Variants in SIRT4 observed in about 807,000 individuals in gnomAD.
The protein encoded by SIRT4 is sirtuin 4, also known as NAD-dependent protein lipoamidase sirtuin-4, mitochondrial.
In SIRT4, 23 loss-of-function variants were observed where a neutral mutation model predicts 26.1. That is an observed-to-expected ratio of 0.88 (90% CI 0.63 to 1.25). The LOEUF is 1.25. SIRT4 is among the 50% of genes most tolerant of loss of function. SIRT4 has a pLI of 0.00. For missense variants in SIRT4, 361 were observed against 405.4 expected (o/e 0.89, Z 0.94); for synonymous variants, 155 against 158.4 (o/e 0.98, Z 0.16).
rs1872632610 is a variant in SIRT4, at chr12:120,303,771, G to A, written c.210G>A (p.Gly70=). ...MTGAGISTES[G]IPDYRSEKVG... The stretch of plus-strand genomic sequence containing the variant: ...GGGCAGGAATCTCCACCGAATCGGG[G>A]ATACCAGACTACAGGTCAGAAAAAG... Residue 70 remains glycine, a synonymous_variant, in exon 2 of 4, where the codon GGG becomes GGA. Transcript: ENST00000202967. 6.2e-7 allele frequency: 1 copy of A among 1,614,154 alleles called. No individual in the cohort carries two copies. Among genetic ancestry groups the A allele is most frequent in the Non-Finnish European group, 8.5e-7 (1 of 1,180,022 alleles).
the SIRT4 span, among the ~76,000 whole-genome samples, chr12:120,292,859 T>C: frequency 2.6e-5 from 4 of 152,062 alleles, no homozygotes; most frequent in Admixed American, 6.6e-5. Context: ...GCAAGAAAAG[T>C]CAACACCGCC....
the SIRT4 span, among the ~76,000 whole-genome samples, chr12:120,292,395 G>C: frequency 1.2e-4 from 18 of 152,204 alleles, no homozygotes; most frequent in Non-Finnish European, 2.1e-4. Flanking sequence ...GAGGTCAGGA[G>C]TTCAAGACCA....
At chr12:120,304,535 A>G (rs1037347393) in intron 2 of SIRT4, among the ~76,000 whole-genome samples, 9 of 152,052 alleles carry the variant, frequency 5.9e-5, no homozygotes, top group African/African-American at 2.2e-4. Flanking sequence ...CTGTAATCCC[A>G]GCTGCTTGGG....
chr12:120,310,880 C>G (rs534029278), intron 2 of SIRT4, among the ~76,000 whole-genome samples: 1 of 151,184 alleles, frequency 6.6e-6, no homozygotes, highest in Admixed American at 6.6e-5. Context: ...GGACTACAGG[C>G]GCCCGCCACC....
chr12:120,294,536 C>T, the SIRT4 span, among the ~76,000 whole-genome samples: 326 of 152,038 alleles, frequency 2.1e-3, 2 homozygotes, highest in Non-Finnish European at 3.4e-3. Flanking sequence ...GGATTACAGC[C>T]GTGAGCCACC....
intron 1 of SIRT4, 60 bp downstream of exon 1, chr12:120,302,438 TC>T (rs1451882306): frequency 6.6e-6 from 1 of 152,284 alleles, no homozygotes; most frequent in Non-Finnish European, 1.5e-5. Context: ...TGTGAGGGAT[TC>T]TATTTCTCCT....
chr12:120,304,334 C>G (rs961354865), intron 2 of SIRT4, among the ~76,000 whole-genome samples: 33 of 152,238 alleles, frequency 2.2e-4, no homozygotes, highest in African/African-American at 7.5e-4. Flanking sequence ...CTAGGACATG[C>G]CTGAGGATTG....
intron 1 of SIRT4, 127 bp from the exon 2 acceptor site, chr12:120,303,434 C>G: frequency 9.3e-7 from 1 of 1,079,756 alleles, no homozygotes; most frequent in Non-Finnish European, 1.3e-6. Flanking sequence ...AAGATCATGC[C>G]ACTGTACTCT....
chr12:120,304,817 ATATATATATATATATATATTTTTT>A (rs1566463369), intron 2 of SIRT4, among the ~76,000 whole-genome samples: 2 of 6,740 alleles, frequency 3.0e-4, no homozygotes, highest in Non-Finnish European at 5.9e-4. Flanking sequence ...ATATATATAT[ATATATATATATATATATATTTTTT>A]TTTTTTTTTT....
chr12:120,306,001 G>A lies in SIRT4; in HGVS notation c.497+1943G>A, dbSNP rs1280174102. Among the ~76,000 whole-genome samples, 5 of 147,536 alleles carry A rather than the reference G, an allele frequency of 3.4e-5. No individual in the cohort carries two copies. The East Asian group carries it at 8.1e-4, about 24-fold the overall frequency. On this transcript the variant is annotated intron_variant, in intron 2 of 3. Coordinates refer to ENST00000202967, the MANE Select transcript of SIRT4 (RefSeq NM_012240.3). ...CACTCCAGCCTGGGTGACAGAGCGA[G>A]ACTCCGTCTCAAAAAAAAAAAAAAA...
chr12:120,293,243 G>GT, the SIRT4 span: 1 of 152,164 alleles, frequency 6.6e-6, no homozygotes, highest in African/African-American at 2.4e-5. Flanking sequence ...AAGCTAATTT[G>GT]TTACGCCCCC....
chr12:120,312,935 A>G lies in SIRT4; in HGVS notation c.844A>G (p.Ile282Val), dbSNP rs1443414298. Reference protein sequence around the residue: ...ILTAWEKKLPIAILNIGPTRS... With the variant: ...ILTAWEKKLPVAILNIGPTRS... ...CACTGCCTGGGAGAAGAAGCTCCCG[A>G]TTGCAATACTGAACATTGGGCCCAC... Residue 282 changes from isoleucine (I) to valine (V), a missense_variant, in exon 4 of 4, where the codon ATT becomes GTT. Transcript: ENST00000202967. 2 of 1,614,042 alleles carry G rather than the reference A, an allele frequency of 1.2e-6. No individual in the cohort carries two copies. Among genetic ancestry groups the G allele is most frequent in the Non-Finnish European group, 1.7e-6 (2 of 1,180,034 alleles).
At position 120,312,609 on chromosome 12, in the gene SIRT4, C is replaced by A; in HGVS notation, c.651C>A (p.Val217=). ...LSEEQVRSFQ[V]PTCVQCGGHL... ...AGGAGCAAGTCCGGAGCTTTCAGGT[C>A]CCAACCTGCGTTCAATGTGGAGGCC... The change falls in exon 3 of 4, where the codon GTC becomes GTA. Residue 217 remains valine, a synonymous_variant. Coordinates refer to ENST00000202967, the MANE Select transcript of SIRT4 (RefSeq NM_012240.3). 1.2e-6 allele frequency: 2 copies of A among 1,614,158 alleles called. No homozygotes were observed. Among genetic ancestry groups the A allele is most frequent in the Non-Finnish European group, 1.7e-6 (2 of 1,180,038 alleles).
At chr12:120,298,438 A>G (rs1015448929), upstream of SIRT4, among the ~76,000 whole-genome samples, 2 of 151,194 alleles carry the variant, frequency 1.3e-5, no homozygotes, top group African/African-American at 4.9e-5. Flanking sequence ...ACAAAAAAAT[A>G]CAAAAATTAG....
Position 120,312,651 on chromosome 12 carries a change from C to G in SIRT4, c.693C>G (p.Val231=). ...VQCGGHLKPD[V]VFFGDTVNPD... ...GTGGAGGCCATCTGAAACCAGATGT[C>G]GTTTTCTTCGGGGACACAGTGAACC... The change falls in exon 3 of 4, where the codon GTC becomes GTG. Residue 231 remains valine, a synonymous_variant. Coordinates refer to ENST00000202967, the MANE Select transcript of SIRT4 (RefSeq NM_012240.3). The G allele has an allele frequency of 1.2e-6, 2 of 1,614,032 alleles. No individual in the cohort carries two copies. The highest frequency in any genetic ancestry group is 1.7e-6 in the Non-Finnish European group (2 of 1,180,016).
the SIRT4 span, among the ~76,000 whole-genome samples, chr12:120,292,335 G>A: frequency 2.0e-5 from 3 of 152,210 alleles, no homozygotes; most frequent in Non-Finnish European, 4.4e-5. Context: ...GGGCGCGGTG[G>A]CTCACGCCTG....
rs762295806 is a variant in SIRT4, at chr12:120,303,821, G to A, written c.260G>A (p.Arg87His). 5 of 1,614,102 alleles carry A rather than the reference G, an allele frequency of 3.1e-6. No individual in the cohort carries two copies. Among genetic ancestry groups the A allele is most frequent in the Non-Finnish European group, 3.4e-6 (4 of 1,179,988 alleles). The change falls in exon 2 of 4, where the codon CGC becomes CAC. Residue 87 changes from arginine (R) to histidine (H), a missense_variant. By Grantham distance (29) the Arg-to-His change is conservative. Transcript: ENST00000202967. ...EKVGLYARTD[R>H]RPIQHGDFVR... The stretch of plus-strand genomic sequence containing the variant: ...GTGGGGCTTTATGCCCGCACTGACC[G>A]CAGGCCCATCCAGCATGGTGATTTT...
At chr12:120,303,250 C>T (rs1348252216) in intron 1 of SIRT4, among the ~76,000 whole-genome samples, 2 of 151,748 alleles carry the variant, frequency 1.3e-5, no homozygotes, top group African/African-American at 4.8e-5. Context: ...GAGGCCGAGG[C>T]GGGCAGATCA....
At chr12:120,299,506 C>A (rs1339584378), upstream of SIRT4, among the ~76,000 whole-genome samples, 3 of 150,014 alleles carry the variant, frequency 2.0e-5, no homozygotes, top group Admixed American at 1.3e-4. Context: ...GAGTGAAGAT[C>A]GCGCCACTGC....
Sources: allele counts gnomAD v4.1 joint callset (sites outside exome capture counted in the v4.1 genomes callset), GRCh38; gene constraint gnomAD v4.1.1; transcripts MANE v1.5; gene names NCBI Gene and HGNC (gene_info 2026-07-23, HGNC 2026-07-21).